FBRSL1: variants seen among roughly 807,000 people sequenced by gnomAD.
FBRSL1 encodes the protein fibrosin-1-like protein.
In FBRSL1, 51 loss-of-function variants were observed where a neutral mutation model predicts 89.6. That is an observed-to-expected ratio of 0.57 (90% CI 0.45 to 0.72). FBRSL1 has a LOEUF of 0.72. Ranked by LOEUF, FBRSL1 falls within the 30% of genes least tolerant of loss-of-function variation. The probability of loss-of-function intolerance (pLI) is 0.00; values close to 1 mark genes in which losing one functional copy is unlikely to be tolerated. For missense variants in FBRSL1, 1,618 were observed against 1,451.8 expected (o/e 1.11, Z -1.86); for synonymous variants, 779 against 681.1 (o/e 1.14, Z -2.24).
At chr12:132,536,705 C>A (rs545413410) in intron 4 of FBRSL1, among the ~76,000 whole-genome samples, 1 of 151,480 alleles carries the variant, frequency 6.6e-6, no homozygotes, top group East Asian at 2.0e-4. Context: ...ACATGATGTA[C>A]ATGACAGTGT....
intron 1 of FBRSL1, among the ~76,000 whole-genome samples, chr12:132,494,061 C>G (rs1419499901): frequency 6.6e-6 from 1 of 152,172 alleles, no homozygotes; most frequent in Non-Finnish European, 1.5e-5. Flanking sequence ...TGAGCCAGCC[C>G]CCGCTTGACT....
intron 15 of FBRSL1, among the ~76,000 whole-genome samples, chr12:132,578,354 C>T (rs866568975): frequency 2.0e-5 from 3 of 151,814 alleles, no homozygotes; most frequent in Admixed American, 2.0e-4. Flanking sequence ...CACACACACA[C>T]ACACACACAC....
intron 1 of FBRSL1, among the ~76,000 whole-genome samples, chr12:132,503,014 T>A (rs1275270946): frequency 6.6e-6 from 1 of 151,848 alleles, no homozygotes; most frequent in Non-Finnish European, 1.5e-5. Context: ...CAGGTAGCTC[T>A]TCCCGGCCCG....
At chr12:132,541,160 G>C (rs2037232378) in intron 4 of FBRSL1, among the ~76,000 whole-genome samples, 3 of 151,378 alleles carry the variant, frequency 2.0e-5, no homozygotes, top group Non-Finnish European at 4.4e-5. Flanking sequence ...TGTGAGCCTG[G>C]GGGGCACAGC....
intron 4 of FBRSL1, among the ~76,000 whole-genome samples, chr12:132,545,171 C>G (rs1467160333): frequency 6.6e-6 from 1 of 152,148 alleles, no homozygotes; most frequent in Non-Finnish European, 1.5e-5. Flanking sequence ...CTGACCATGC[C>G]CAGCATGTCC....
intron 15 of FBRSL1, among the ~76,000 whole-genome samples, chr12:132,578,134 A>G (rs1337875913): frequency 6.6e-6 from 1 of 152,256 alleles, no homozygotes; most frequent in Non-Finnish European, 1.5e-5. Flanking sequence ...TGTTACATGT[A>G]TGATGGACTG....
intron 5 of FBRSL1, among the ~76,000 whole-genome samples, chr12:132,557,158 CT>C (rs1435457083): frequency 1.3e-5 from 2 of 152,220 alleles, no homozygotes; most frequent in Admixed American, 6.5e-5. Flanking sequence ...ATGGCACCCC[CT>C]GGCCACCCGC....
rs371800095 is a variant in FBRSL1, at chr12:132,570,008, C to T, written c.774C>T (p.Ala258=). 850 of 1,511,408 alleles carry T rather than the reference C, an allele frequency of 5.6e-4. 1 individual carries two copies. Among genetic ancestry groups the T allele is most frequent in the Middle Eastern group, 8.8e-4 (5 of 5,688 alleles). 93.6% of individuals were successfully genotyped at this position (1,511,408 alleles called of 1,614,324 possible). ...TGGAGCGCAGCCGCGAGCTCAGCGCCGAGAGCTTCCTGCCCACTGCCAGCC... is the reference window on the plus strand; with the variant it reads ...TGGAGCGCAGCCGCGAGCTCAGCGCTGAGAGCTTCCTGCCCACTGCCAGCC... ...SGLERSRELS[A]ESFLPTASPA... Residue 258 remains alanine, a synonymous_variant, in exon 7 of 19, where the codon GCC becomes GCT. Transcript: ENST00000680143.
chr12:132,507,703 C>T (rs1445381244), intron 1 of FBRSL1, among the ~76,000 whole-genome samples: 5 of 152,052 alleles, frequency 3.3e-5, no homozygotes, highest in East Asian at 1.9e-4. Flanking sequence ...CCTGGGGGAG[C>T]ACTTCCTGTG....
At position 132,572,343 on chromosome 12, in the gene FBRSL1, G is replaced by A; in HGVS notation, c.1433G>A (p.Ser478Asn). The A allele has an allele frequency of 6.4e-7, 1 of 1,551,172 alleles. No homozygotes were observed. Among genetic ancestry groups the A allele is most frequent in the Non-Finnish European group, 8.7e-7 (1 of 1,146,734 alleles). Residue 478 changes from serine to asparagine, a missense_variant and splice_region_variant, in exon 10 of 19, where the codon AGT (serine) becomes AAT (asparagine). Transcript: ENST00000680143. ...CCCTACTTCCGACATTCCAGCGTGA[G>A]TGTGAGTGTCCCCGAGGGGCCCGGC... ...DSPYFRHSSVSFFPSFPPAIP... is the reference protein window; with the variant it reads ...DSPYFRHSSVNFFPSFPPAIP...
intron 2 of FBRSL1, among the ~76,000 whole-genome samples, chr12:132,518,666 C>G (rs924457898): frequency 6.6e-6 from 1 of 151,450 alleles, no homozygotes; most frequent in Non-Finnish European, 1.5e-5. Context: ...GTGCATCCAT[C>G]CATCCACCCA....
intron 4 of FBRSL1, among the ~76,000 whole-genome samples, chr12:132,531,327 G>C (rs2036259203): frequency 6.6e-6 from 1 of 152,162 alleles, no homozygotes; most frequent in African/African-American, 2.4e-5. Context: ...TCAGACTCCT[G>C]GGTTGCTCCC....
chr12:132,506,819 T>C (rs556910463), intron 1 of FBRSL1, among the ~76,000 whole-genome samples: 1 of 152,326 alleles, frequency 6.6e-6, no homozygotes, highest in African/African-American at 2.4e-5. Context: ...CCTTGAGTGG[T>C]GGCTCTGCAG....
At chr12:132,497,493 G>C (rs1364353754) in intron 1 of FBRSL1, among the ~76,000 whole-genome samples, 1 of 152,068 alleles carries the variant, frequency 6.6e-6, no homozygotes, top group Non-Finnish European at 1.5e-5. Context: ...AGTGACCCCT[G>C]TGTCCCAGGC....
intron 4 of FBRSL1, among the ~76,000 whole-genome samples, chr12:132,533,645 T>C (rs1241190172): frequency 6.6e-6 from 1 of 152,216 alleles, no homozygotes; most frequent in Non-Finnish European, 1.5e-5. Context: ...CCCACATCCA[T>C]GCACTTACCA....
intron 1 of FBRSL1, among the ~76,000 whole-genome samples, chr12:132,505,498 A>G (rs1039675014): frequency 7.2e-5 from 11 of 151,940 alleles, no homozygotes; most frequent in Non-Finnish European, 1.5e-4. Flanking sequence ...CCCAAGGGGA[A>G]CTCTGGTCCT....
chr12:132,536,569 T>G (rs896371142), intron 4 of FBRSL1, among the ~76,000 whole-genome samples: 4 of 151,902 alleles, frequency 2.6e-5, no homozygotes, highest in African/African-American at 7.3e-5. Flanking sequence ...GTGTGCCATG[T>G]GTACATCACA....
chr12:132,559,330 G>A (rs1332390398), intron 5 of FBRSL1, among the ~76,000 whole-genome samples: 2 of 152,240 alleles, frequency 1.3e-5, no homozygotes, highest in African/African-American at 4.8e-5. Flanking sequence ...GGCTTGCAGC[G>A]GACGGGTGGG....
intron 15 of FBRSL1, among the ~76,000 whole-genome samples, chr12:132,578,599 TACACACAGGCACAGGC>T (rs2040538909): frequency 6.6e-6 from 1 of 152,058 alleles, no homozygotes; most frequent in South Asian, 2.1e-4. Flanking sequence ...CAGGCACACG[TACACACAGGCACAGGC>T]ACACACATGG....
Sources: allele counts gnomAD v4.1 joint callset (sites outside exome capture counted in the v4.1 genomes callset), GRCh38; gene constraint gnomAD v4.1.1; transcripts MANE v1.5; gene names NCBI Gene and HGNC (gene_info 2026-07-23, HGNC 2026-07-21).